The following CEP57 variants were observed in gnomAD, a reference collection of about 807,000 sequenced individuals.
CEP57 encodes centrosomal protein 57.
CEP57 carries 40 observed loss-of-function variants against 68.0 expected under a neutral mutation model. The observed-to-expected ratio is 0.59, with a 90% CI of 0.46 to 0.77. CEP57 has a LOEUF of 0.77. Among genes scored for constraint, CEP57 ranks in the 30% least tolerant of loss-of-function variants. The probability of loss-of-function intolerance (pLI) is 0.00; values close to 1 mark genes in which losing one functional copy is unlikely to be tolerated. For missense variants in CEP57, 606 were observed against 580.7 expected, an observed-to-expected ratio of 1.04 and a Z score of -0.45; for synonymous variants, 219 against 198.7, an observed-to-expected ratio of 1.10 and a Z score of -0.86.
Position 95,813,239 on chromosome 11 carries a change from T to C in CEP57, c.382+128T>C, listed in dbSNP as rs1862148827. ...AGTACTACAAAACTGCATTGTATTC[T>C]GGTGCATTTTGAGGAGCAAATGCTG... On this transcript the variant is annotated intron_variant, in intron 3 of 10. Transcript: ENST00000325542. 8.3e-6 allele frequency: 9 copies of C among 1,083,162 alleles called. No individual in the cohort carries two copies. The South Asian group carries it at 1.3e-4, about 16-fold the overall frequency. 67.1% of individuals were successfully genotyped at this position (1,083,162 alleles called of 1,614,324 possible).
In CEP57 at chr11:95,806,443, G is replaced by A. The variant is rs183606667; in HGVS notation, c.203-6489G>A. 7.0e-4 allele frequency among the ~76,000 whole-genome samples: 107 copies of A among 152,266 alleles called. 4 individuals are homozygous for A. The East Asian group carries it at 0.015, about 21-fold the overall frequency. ...CAGGGTGTTGTCTCACCCGGGAAGCGCAAGGGGTTGGGCCATTCCCTTTCC... is the reference window on the plus strand; with the variant it reads ...CAGGGTGTTGTCTCACCCGGGAAGCACAAGGGGTTGGGCCATTCCCTTTCC... On this transcript the variant is annotated intron_variant, in intron 2 of 10. Coordinates refer to ENST00000325542, the MANE Select transcript of CEP57 (RefSeq NM_014679.5).
chr11:95,794,156 G>T, intron 1 of CEP57: 1 of 429,400 alleles, frequency 2.3e-6, no homozygotes, highest in South Asian at 1.6e-5. Context: ...AGTGTAAAGG[G>T]GTCCTGAGAG....
rs1262479994 is a variant in CEP57, at chr11:95,799,387, A to G, written c.201A>G (p.Arg67=). 1 of 1,613,934 alleles carries G rather than the reference A, an allele frequency of 6.2e-7. No homozygotes were observed. ...PTLAYPESNS[R]AIFSALKNLQ... ...TTGCCTATCCAGAAAGCAACAGCAG[A>G]GGTAATCGAGCCTAACGAAATAAAT... Residue 67 remains arginine, a splice_region_variant and synonymous_variant, in exon 2 of 11, where the codon AGA becomes AGG. Transcript: ENST00000325542.
rs1165843092 is a variant in CEP57, at chr11:95,821,984, A to C, written c.807+6A>C. On this transcript the variant is annotated splice_donor_region_variant and intron_variant, in intron 7 of 10. Transcript: ENST00000325542. The stretch of plus-strand genomic sequence containing the variant: ...AGTCAAAACCACCAGAAAAGGTGTG[A>C]AGACAGAACCAAATCAGGCAAAATG... The C allele has an allele frequency of 6.3e-7, 1 of 1,597,920 alleles. No individual in the cohort carries two copies. Among genetic ancestry groups the C allele is most frequent in the East Asian group, 2.2e-5 (1 of 44,722 alleles).
rs915077284 is a variant in CEP57 at position 95,832,015 on chromosome 11, C to T, written c.*759C>T. 2 of 152,008 alleles carry T rather than the reference C, an allele frequency of 1.3e-5. No homozygotes were observed. Among genetic ancestry groups the T allele is most frequent in the Non-Finnish European group, 2.9e-5 (2 of 67,982 alleles). 9.4% of individuals were successfully genotyped at this position (152,008 alleles called of 1,614,324 possible). ...GCATATACCTTCACAGTTCTTAATA[C>T]CTGTTTTGTAATCATGATATTCAGT... On this transcript the variant is annotated 3_prime_UTR_variant, in exon 11 of 11. Transcript: ENST00000325542.
rs1478138459 is a variant in CEP57 at position 95,822,217 on chromosome 11, T to C, written c.807+239T>C. ...CATACAAAATTAGCATTATTAGTAC[T>C]GCATTATCTTGTGCTCTTACAATGT... On this transcript the variant is annotated intron_variant, in intron 7 of 10. Coordinates refer to ENST00000325542, the MANE Select transcript of CEP57 (RefSeq NM_014679.5). 5.2e-6 allele frequency: 3 copies of C among 579,776 alleles called. No individual in the cohort carries two copies. The Admixed American group carries it at 9.0e-5, about 17-fold the overall frequency. The allele number at this position is 579,776 out of a possible 1,614,324, so 35.9% of individuals were successfully genotyped here.
At chr11:95,822,071 G>A in intron 7 of CEP57, 93 bp downstream of exon 7, 2 of 835,990 alleles carry the variant, frequency 2.4e-6, no homozygotes, top group Non-Finnish European at 4.0e-6. Context: ...CTACAACCTT[G>A]AGAGAGTAAA....
At chr11:95,797,247 AC>A (rs1861391079) in intron 1 of CEP57, among the ~76,000 whole-genome samples, 1 of 145,792 alleles carries the variant, frequency 6.9e-6, no homozygotes, top group South Asian at 2.2e-4. Flanking sequence ...GCTCACCACA[AC>A]CTCCACCTCC....
At chr11:95,820,114 G>GT (rs1418929810) in intron 6 of CEP57, among the ~76,000 whole-genome samples, 2 of 152,122 alleles carry the variant, frequency 1.3e-5, no homozygotes, top group African/African-American at 4.8e-5. Flanking sequence ...ACAAAATTTA[G>GT]TAAGTTCCTT....
In CEP57 at chr11:95,831,853, T is replaced by G. The variant is rs1443267382; in HGVS notation, c.*597T>G. ...TTGTATTGCTTTTTAATCTGTTAAT[T>G]TTTTAAAGACCCAAGCAGTCATTTT... is the stretch of plus-strand genomic sequence containing the variant. On this transcript the variant is annotated 3_prime_UTR_variant, in exon 11 of 11. Transcript: ENST00000325542. 3 of 152,128 alleles carry G rather than the reference T, an allele frequency of 2.0e-5. No homozygotes were observed. The highest frequency in any genetic ancestry group is 4.4e-5 in the Non-Finnish European group (3 of 67,998). The allele number at this position is 152,128 out of a possible 1,614,324, so 9.4% of individuals were successfully genotyped here.
At position 95,827,935 on chromosome 11, in the gene CEP57, G is replaced by C; in HGVS notation, c.1035G>C (p.Lys345Asn). Residue 345 changes from lysine to asparagine, a missense_variant, in exon 9 of 11, where the codon AAG becomes AAC. Transcript: ENST00000325542. ...CTTCACGAGGTGGTAAAAGTAAGAA[G>C]TTGTCAGTAACACCTCCCTCCTCCA... is the stretch of plus-strand genomic sequence containing the variant. ...QVSSRGGKSKKLSVTPPSSNG... is the reference protein window; with the variant it reads ...QVSSRGGKSKNLSVTPPSSNG... The C allele has an allele frequency of 6.2e-7, 1 of 1,614,074 alleles. No individual in the cohort carries two copies. The highest frequency in any genetic ancestry group is 8.5e-7 in the Non-Finnish European group (1 of 1,180,000).
intron 4 of CEP57, among the ~76,000 whole-genome samples, chr11:95,814,575 G>C (rs545047427): frequency 1.7e-3 from 254 of 152,022 alleles, no homozygotes; most frequent in African/African-American, 5.9e-3. Flanking sequence ...GGTCAGGCTG[G>C]TCTTGAACTG....
chr11:95,826,675 G>T (rs1438002320), intron 8 of CEP57: 1 of 152,118 alleles, frequency 6.6e-6, no homozygotes, highest in African/African-American at 2.4e-5. Flanking sequence ...TTGTTCAAGG[G>T]TCAAGTGCAT....
At chr11:95,790,781 C>G in intron 1 of CEP57, 38 bp downstream of exon 1, 2 of 1,611,416 alleles carry the variant, frequency 1.2e-6, no homozygotes, top group African/African-American at 2.7e-5. Flanking sequence ...CCACGTCGGC[C>G]CTAAGCGCCT....
chr11:95,801,251 A>T (rs888157448), intron 2 of CEP57, among the ~76,000 whole-genome samples: 14 of 152,156 alleles, frequency 9.2e-5, no homozygotes, highest in Admixed American at 9.2e-4. Context: ...AAATAGTGTG[A>T]TGTCTTTTAA....
chr11:95,803,842 CA>C (rs1404316745), intron 2 of CEP57, among the ~76,000 whole-genome samples: 1 of 151,900 alleles, frequency 6.6e-6, no homozygotes, highest in Non-Finnish European at 1.5e-5. Flanking sequence ...CCCAAGAAGA[CA>C]AGCAAGCATT....
chr11:95,791,423 T>C lies in CEP57; in HGVS notation c.45+680T>C, dbSNP rs186490286. Among the ~76,000 whole-genome samples, 393 of 152,302 alleles carry C rather than the reference T, an allele frequency of 2.6e-3. 1 individual carries two copies. Among genetic ancestry groups the C allele is most frequent in the Non-Finnish European group, 4.8e-3 (327 of 68,014 alleles). On this transcript the variant is annotated intron_variant, in intron 1 of 10. Coordinates refer to ENST00000325542, the MANE Select transcript of CEP57 (RefSeq NM_014679.5). ...CTGGTATTCACTGGTATTTCTCAAATTGGAGTGTCGAATGCTTAGGTTTTT... is the reference window on the plus strand; with the variant it reads ...CTGGTATTCACTGGTATTTCTCAAACTGGAGTGTCGAATGCTTAGGTTTTT...
At chr11:95,794,509 C>G (rs1861248834) in intron 1 of CEP57, 1 of 365,824 alleles carries the variant, frequency 2.7e-6, no homozygotes. Flanking sequence ...ATCCTATTTT[C>G]TGATTTGTGC....
chr11:95,798,938 T>C (rs568522936), intron 1 of CEP57, among the ~76,000 whole-genome samples: 1 of 152,242 alleles, frequency 6.6e-6, no homozygotes, highest in South Asian at 2.1e-4. Flanking sequence ...ACAGTATATA[T>C]TTTTAACTGC....
Sources: allele counts gnomAD v4.1 joint callset (sites outside exome capture counted in the v4.1 genomes callset), GRCh38; gene constraint gnomAD v4.1.1; transcripts MANE v1.5; gene names NCBI Gene and HGNC (gene_info 2026-07-23, HGNC 2026-07-21).